The following KCNIP4 variants were observed in gnomAD, a reference collection of about 807,000 sequenced individuals.
The protein encoded by KCNIP4 is potassium voltage-gated channel interacting protein 4.
Under a neutral mutation model 34.0 loss-of-function variants are expected in KCNIP4, and 12 were observed. The ratio of observed to expected loss-of-function variants is 0.35; its 90% confidence interval spans 0.23 to 0.57. The LOEUF (loss-of-function observed/expected upper bound fraction) is 0.57, where lower values mean the gene tolerates loss of function less well. Ranked by LOEUF, KCNIP4 falls within the 20% of genes least tolerant of loss-of-function variation. KCNIP4 has a pLI of 0.83. For missense variants in KCNIP4, 238 were observed against 311.7 expected (o/e 0.76, Z 1.78); for synonymous variants, 124 against 102.2 (o/e 1.21, Z -1.29).
chr4:21,168,700 A>G (rs1040670957), intron 1 of KCNIP4, among the ~76,000 whole-genome samples: 4 of 152,200 alleles, frequency 2.6e-5, no homozygotes, highest in East Asian at 1.9e-4. Flanking sequence ...ACAGAAACTT[A>G]TATTTGTAAA....
chr4:20,730,221 C>A, intron 8 of KCNIP4, 92 bp from the exon 9 acceptor site: 1 of 1,396,648 alleles, frequency 7.2e-7, no homozygotes, highest in Non-Finnish European at 9.6e-7. Context: ...CTCCCATCAA[C>A]CACCTCAACC....
chr4:21,695,170 C>T (rs923984180), intron 1 of KCNIP4, among the ~76,000 whole-genome samples: 16 of 152,000 alleles, frequency 1.1e-4, no homozygotes, highest in Non-Finnish European at 1.6e-4. Context: ...ATGAATTTTA[C>T]ATTAGACTCT....
intron 1 of KCNIP4, among the ~76,000 whole-genome samples, chr4:21,417,765 A>G (rs1725094895): frequency 6.6e-6 from 1 of 152,166 alleles, no homozygotes; most frequent in Non-Finnish European, 1.5e-5. Context: ...GCTCACAGAT[A>G]ATAAGGGACA....
At chr4:21,741,990 TTGCACCAC>T (rs1212612865) in intron 1 of KCNIP4, among the ~76,000 whole-genome samples, 3 of 151,964 alleles carry the variant, frequency 2.0e-5, no homozygotes, top group Non-Finnish European at 4.4e-5. Flanking sequence ...TGAGCTGAAA[TTGCACCAC>T]TGCACTCCAG....
intron 1 of KCNIP4, among the ~76,000 whole-genome samples, chr4:21,552,012 TTGAAAAA>T (rs1738621466): frequency 6.8e-6 from 1 of 147,696 alleles, no homozygotes; most frequent in Non-Finnish European, 1.5e-5. Context: ...ATTGTGAAGA[TTGAAAAA>T]ACAAGGGAGA....
chr4:21,727,278 C>T (rs1715263972), intron 1 of KCNIP4, among the ~76,000 whole-genome samples: 1 of 152,090 alleles, frequency 6.6e-6, no homozygotes, highest in South Asian at 2.1e-4. Flanking sequence ...GTCCTTCTAC[C>T]ATGTGAGGAC....
chr4:21,379,817 T>G (rs1262160236), intron 1 of KCNIP4, among the ~76,000 whole-genome samples: 1 of 152,180 alleles, frequency 6.6e-6, no homozygotes, highest in Non-Finnish European at 1.5e-5. Context: ...TGTAAGTGCT[T>G]TCATTTTTGC....
intron 3 of KCNIP4, among the ~76,000 whole-genome samples, chr4:20,822,307 A>G (rs1038881610): frequency 3.3e-5 from 5 of 152,214 alleles, no homozygotes; most frequent in Admixed American, 6.5e-5. Context: ...TGGCCAACAC[A>G]CATATGGAAA....
rs1716857483 is a variant in KCNIP4, at chr4:21,747,533, T to G, written c.61+201038A>C. ...TACTGTGCCAGAAGAACCTGTGAAA[T>G]ATTGTATTTTACTTTTTGGTAAAAT... On this transcript the variant is annotated intron_variant, in intron 1 of 8. Coordinates refer to ENST00000382152, the MANE Select transcript of KCNIP4 (RefSeq NM_025221.6). Among the ~76,000 whole-genome samples, 3 of 152,104 alleles carry G rather than the reference T, an allele frequency of 2.0e-5. No individual in the cohort carries two copies. The South Asian group carries it at 6.2e-4, about 32-fold the overall frequency.
intron 3 of KCNIP4, among the ~76,000 whole-genome samples, chr4:20,795,959 T>TAC (rs1560470345): frequency 6.6e-6 from 1 of 152,020 alleles, no homozygotes. Context: ...GCATTGTAAA[T>TAC]ACACACACAC....
chr4:21,796,905 A>G (rs1720661481), intron 1 of KCNIP4, among the ~76,000 whole-genome samples: 1 of 152,192 alleles, frequency 6.6e-6, no homozygotes, highest in South Asian at 2.1e-4. Flanking sequence ...GATTGTTTTT[A>G]TCAATAGTTG....
intron 2 of KCNIP4, among the ~76,000 whole-genome samples, chr4:20,878,406 A>C (rs995163634): frequency 6.6e-6 from 1 of 151,710 alleles, no homozygotes; most frequent in African/African-American, 2.4e-5. Context: ...TATTTTAAGG[A>C]CTTAAAAGAC....
chr4:20,837,686 A>ATATTT (rs1350419753), intron 3 of KCNIP4, among the ~76,000 whole-genome samples: 7 of 117,392 alleles, frequency 6.0e-5, no homozygotes, highest in African/African-American at 1.7e-4. Context: ...ATATATATAT[A>ATATTT]TTTTTTTTTC....
At chr4:21,554,813 C>T (rs1016225723) in intron 1 of KCNIP4, among the ~76,000 whole-genome samples, 2 of 152,120 alleles carry the variant, frequency 1.3e-5, no homozygotes, top group African/African-American at 4.8e-5. Flanking sequence ...TCTGACTGTA[C>T]AGTTCTTTAT....
chr4:20,756,763 A>G (rs1316340496), intron 4 of KCNIP4, among the ~76,000 whole-genome samples: 1 of 152,010 alleles, frequency 6.6e-6, no homozygotes, highest in African/African-American at 2.4e-5. Context: ...ACTGGACTTC[A>G]TCATTTCATT....
chr4:21,791,384 G>A (rs764495337), intron 1 of KCNIP4, among the ~76,000 whole-genome samples: 24 of 152,164 alleles, frequency 1.6e-4, no homozygotes, highest in Non-Finnish European at 2.6e-4. Context: ...CACAGGAATT[G>A]CGGGGCAGAA....
intron 1 of KCNIP4, among the ~76,000 whole-genome samples, chr4:21,712,329 T>A (rs1344364005): frequency 1.3e-5 from 2 of 152,242 alleles, no homozygotes; most frequent in African/African-American, 4.8e-5. Context: ...ACTGGCGTTC[T>A]TGTAAGCTGG....
chr4:21,887,103 C>G lies in KCNIP4; in HGVS notation c.61+61468G>C, dbSNP rs1409024117. 5.3e-5 allele frequency among the ~76,000 whole-genome samples: 8 copies of G among 152,194 alleles called. No homozygotes were observed. In the South Asian group the frequency reaches 1.5e-3, roughly 28 times the overall value. ...ACTGACTTTGTGTAAAATATAGACTCTAGACACAAAATACATAGAAAATGC... is the reference window on the plus strand; with the variant it reads ...ACTGACTTTGTGTAAAATATAGACTGTAGACACAAAATACATAGAAAATGC... On this transcript the variant is annotated intron_variant, in intron 1 of 8. Transcript: ENST00000382152.
chr4:20,819,105 A>C (rs541083839), intron 3 of KCNIP4, among the ~76,000 whole-genome samples: 2 of 151,832 alleles, frequency 1.3e-5, no homozygotes, highest in African/African-American at 4.8e-5. Flanking sequence ...GCTGGTTTTG[A>C]ACTCTCGACC....
Sources: gnomAD v4.1 joint callset for allele counts (sites outside exome capture counted in the v4.1 genomes callset) on GRCh38, gnomAD v4.1.1 for gene constraint, MANE v1.5 for transcripts, NCBI Gene and HGNC (gene_info 2026-07-23, HGNC 2026-07-21) for gene names.